SRGAP3: variants seen among roughly 807,000 people sequenced by gnomAD.
SRGAP3 encodes the protein SLIT-ROBO Rho GTPase-activating protein 3.
In SRGAP3, 39 loss-of-function variants were observed where a neutral mutation model predicts 121.1. The observed-to-expected ratio is 0.32, with a 90% CI of 0.25 to 0.42. The LOEUF (loss-of-function observed/expected upper bound fraction) is 0.42, where lower values mean the gene tolerates loss of function less well. SRGAP3 is among the 10% of genes least tolerant of loss of function. The probability of loss-of-function intolerance (pLI) is 1.00; values close to 1 mark genes in which losing one functional copy is unlikely to be tolerated. For synonymous variants in SRGAP3, 601 were observed against 570.0 expected (o/e 1.05, Z -0.77); for missense variants, 1,213 against 1,470.6 (o/e 0.82, Z 2.86).
chr3:9,328,766 T>G (rs1955557808), intron 2 of SRGAP3, among the ~76,000 whole-genome samples: 1 of 152,190 alleles, frequency 6.6e-6, no homozygotes, highest in Non-Finnish European at 1.5e-5. Context: ...GGGCAGAACC[T>G]TAGCTACCGA....
intron 1 of SRGAP3, among the ~76,000 whole-genome samples, chr3:9,147,266 T>C (rs972016450): frequency 6.6e-6 from 1 of 152,136 alleles, no homozygotes; most frequent in Admixed American, 6.5e-5. Flanking sequence ...TTTCTTCTAC[T>C]GTAGAGGACA....
intron 1 of SRGAP3, among the ~76,000 whole-genome samples, chr3:9,171,478 T>A (rs1338782385): frequency 6.6e-6 from 1 of 152,226 alleles, no homozygotes; most frequent in Non-Finnish European, 1.5e-5. Context: ...TGAGAAGGAC[T>A]TTTTTTGTGA....
intron 2 of SRGAP3, among the ~76,000 whole-genome samples, chr3:9,113,615 G>T (rs1206972103): frequency 6.6e-6 from 1 of 152,122 alleles, no homozygotes; most frequent in Non-Finnish European, 1.5e-5. Context: ...TGGTTTGGCT[G>T]TGTCCCCACC....
At chr3:9,131,052 C>T (rs575890346) in intron 1 of SRGAP3, among the ~76,000 whole-genome samples, 101 of 152,362 alleles carry the variant, frequency 6.6e-4, no homozygotes, top group Non-Finnish European at 1.2e-3. Flanking sequence ...TGATCTGGAA[C>T]CCTGAGGGCA....
chr3:9,273,424 G>A (rs1954516914), intron 3 of SRGAP3, among the ~76,000 whole-genome samples: 1 of 152,056 alleles, frequency 6.6e-6, no homozygotes, highest in Non-Finnish European at 1.5e-5. Flanking sequence ...CAAGTCCTTT[G>A]CCAAATTTTT....
intron 1 of SRGAP3, among the ~76,000 whole-genome samples, chr3:9,338,043 G>C (rs1210619755): frequency 6.6e-6 from 1 of 152,210 alleles, no homozygotes; most frequent in Non-Finnish European, 1.5e-5. Flanking sequence ...TATGGATTTG[G>C]AATGTGGAAA....
intron 2 of SRGAP3, 148 bp from the exon 3 acceptor site, chr3:9,104,990 G>C: frequency 2.0e-6 from 2 of 988,286 alleles, no homozygotes; most frequent in South Asian, 1.4e-5. Context: ...TGGGGAAACA[G>C]GCTACAACAG....
rs748817909 is a variant in SRGAP3, at chr3:9,025,383, C to T, written c.1601-45G>A. ...AAAAAGAAATAGTAAATCCACGAGA[C>T]CTTGAGTTCATTAGACTACCGGGAA... On this transcript the variant is annotated intron_variant, in intron 13 of 21. Coordinates refer to ENST00000383836, the MANE Select transcript of SRGAP3 (RefSeq NM_014850.4). 1.9e-6 allele frequency: 3 copies of T among 1,595,040 alleles called. No homozygotes were observed. In the South Asian group the frequency reaches 3.3e-5, roughly 18 times the overall value.
At chr3:9,113,796 C>T (rs569217138) in intron 2 of SRGAP3, among the ~76,000 whole-genome samples, 1 of 152,302 alleles carries the variant, frequency 6.6e-6, no homozygotes, top group Non-Finnish European at 1.5e-5. Context: ...GGCACTCTTT[C>T]TCTCCCCTGC....
chr3:9,090,730 G>C (rs974168502), intron 3 of SRGAP3, among the ~76,000 whole-genome samples: 21 of 152,154 alleles, frequency 1.4e-4, no homozygotes, highest in African/African-American at 5.1e-4. Context: ...TCCATCTCTT[G>C]GGTTCAAGGG....
intron 8 of SRGAP3, 34 bp downstream of exon 8, chr3:9,056,199 G>C: frequency 6.2e-7 from 1 of 1,610,150 alleles, no homozygotes; most frequent in Non-Finnish European, 8.5e-7. Flanking sequence ...GCCTTCCAAA[G>C]AAAATCCCTT....
chr3:9,109,515 C>G lies in SRGAP3; in HGVS notation c.261-4673G>C, dbSNP rs1272012488. Among the ~76,000 whole-genome samples, 1 of 152,198 alleles carries G rather than the reference C, an allele frequency of 6.6e-6. No individual in the cohort carries two copies. The highest frequency in any genetic ancestry group is 1.5e-5 in the Non-Finnish European group (1 of 68,046). On this transcript the variant is annotated intron_variant, in intron 2 of 21. Transcript: ENST00000383836. This position sits in a 1 kb window ranked among gnomAD's most constrained non-coding sequence, Gnocchi z 4.4. ...CAGCTGCTGTGAAGATTCCTTCCAG[C>G]CCTCGTTCACTCCTTGCGTTTGTGT...
chr3:9,214,585 T>C (rs1952553319), intron 1 of SRGAP3, among the ~76,000 whole-genome samples: 1 of 152,066 alleles, frequency 6.6e-6, no homozygotes, highest in East Asian at 1.9e-4. Flanking sequence ...CAAAAGAAAA[T>C]AGGAAGCTAT....
intron 1 of SRGAP3, among the ~76,000 whole-genome samples, chr3:9,185,240 C>T (rs1951558261): frequency 6.6e-6 from 1 of 152,212 alleles, no homozygotes; most frequent in African/African-American, 2.4e-5. Context: ...CTCCCATGGA[C>T]AGGCTGCATG....
At chr3:9,207,702 G>A (rs1952311021) in intron 1 of SRGAP3, among the ~76,000 whole-genome samples, 1 of 152,210 alleles carries the variant, frequency 6.6e-6, no homozygotes, top group South Asian at 2.1e-4. Flanking sequence ...AGTTGTCCCA[G>A]GTTGTGGTGA....
chr3:9,074,182 TCTGG>T (rs1946851767), intron 4 of SRGAP3, among the ~76,000 whole-genome samples: 1 of 152,162 alleles, frequency 6.6e-6, no homozygotes, highest in Non-Finnish European at 1.5e-5. Context: ...TTCTTAGGGC[TCTGG>T]CTGGCCCAGT....
chr3:9,197,925 C>A (rs1408706835), intron 1 of SRGAP3, among the ~76,000 whole-genome samples: 1 of 152,238 alleles, frequency 6.6e-6, no homozygotes, highest in East Asian at 1.9e-4. Flanking sequence ...GTCAAATTAC[C>A]CAATTTAGGT....
At chr3:9,204,142 A>G (rs921539823) in intron 1 of SRGAP3, among the ~76,000 whole-genome samples, 1 of 152,218 alleles carries the variant, frequency 6.6e-6, no homozygotes, top group African/African-American at 2.4e-5. Flanking sequence ...AACACCGGGA[A>G]CCCATCTTGG....
At chr3:9,030,686 C>G (rs549413) in intron 12 of SRGAP3, among the ~76,000 whole-genome samples, 1 of 152,152 alleles carries the variant, frequency 6.6e-6, no homozygotes, top group African/African-American at 2.4e-5. Context: ...CCCTCTATTA[C>G]GAAAATACTT....
Sources: gnomAD v4.1 joint callset for allele counts (sites outside exome capture counted in the v4.1 genomes callset) on GRCh38, gnomAD v4.1.1 for gene constraint, Gnocchi (gnomAD v3.1) non-coding constraint, MANE v1.5 for transcripts, NCBI Gene and HGNC (gene_info 2026-07-23, HGNC 2026-07-21) for gene names.